The following FGGY variants were observed in gnomAD, a reference collection of about 807,000 sequenced individuals.
The protein encoded by FGGY is FGGY carbohydrate kinase domain containing.
A neutral mutation model predicts 71.3 loss-of-function variants in FGGY; 72 were observed. The ratio of observed to expected loss-of-function variants is 1.01; its 90% CI spans 0.84 to 1.23. The LOEUF (loss-of-function observed/expected upper bound fraction) is 1.23. Ranked by LOEUF, FGGY falls within the 50% of genes most tolerant of loss-of-function variation. FGGY has a pLI of 0.00. For missense variants in FGGY, 668 were observed against 682.3 expected, an observed-to-expected ratio of 0.98 and a Z score of 0.23; for synonymous variants, 251 against 250.3, an observed-to-expected ratio of 1.00 and a Z score of -0.02.
At chr1:59,363,697 T>C (rs1471644723) in intron 4 of FGGY, among the ~76,000 whole-genome samples, 1 of 152,190 alleles carries the variant, frequency 6.6e-6, no homozygotes, top group Non-Finnish European at 1.5e-5. Context: ...ACTGTGGAGA[T>C]GCTGACAGGT....
intron 7 of FGGY, among the ~76,000 whole-genome samples, chr1:59,525,851 C>T (rs1046036351): frequency 2.0e-5 from 3 of 152,130 alleles, no homozygotes; most frequent in African/African-American, 7.2e-5. Flanking sequence ...CTGTGTGTCT[C>T]TGTATATGTG....
At chr1:59,353,913 A>G (rs556091388) in intron 4 of FGGY, among the ~76,000 whole-genome samples, 1 of 152,160 alleles carries the variant, frequency 6.6e-6, no homozygotes, top group African/African-American at 2.4e-5. Context: ...CTAGTTAAAG[A>G]ATAAAGATAC....
At chr1:59,395,511 A>T (rs998160278) in intron 5 of FGGY, among the ~76,000 whole-genome samples, 7 of 152,198 alleles carry the variant, frequency 4.6e-5, no homozygotes, top group Admixed American at 6.5e-5. Flanking sequence ...TTGTAACTTC[A>T]TGAGTACAGG....
At chr1:59,452,533 G>A (rs748877568) in intron 5 of FGGY, among the ~76,000 whole-genome samples, 35 of 152,130 alleles carry the variant, frequency 2.3e-4, no homozygotes, top group Non-Finnish European at 3.8e-4. Context: ...TGTGGGACTT[G>A]CCTCTTGTAG....
intron 6 of FGGY, among the ~76,000 whole-genome samples, chr1:59,510,040 CTTTTT>C (rs10608143): frequency 0.2 from 27,914 of 139,918 alleles, 4,176 homozygotes; most frequent in African/African-American, 0.43. Flanking sequence ...TTTCTTTTTT[CTTTTT>C]TTTTTTTTTT....
At chr1:59,748,350 A>G (rs2098217347) in intron 14 of FGGY, among the ~76,000 whole-genome samples, 1 of 152,182 alleles carries the variant, frequency 6.6e-6, no homozygotes, top group Non-Finnish European at 1.5e-5. Context: ...TGTTTAGGAG[A>G]GTGCACTGCT....
Position 59,507,925 on chromosome 1 carries a change from G to A in FGGY, c.671-4386G>A, listed in dbSNP as rs373437149. Among the ~76,000 whole-genome samples, 297 of 152,094 alleles carry A rather than the reference G, an allele frequency of 2.0e-3. 1 individual carries two copies. Among genetic ancestry groups the A allele is most frequent in the South Asian group, 8.3e-3 (40 of 4,816 alleles). On this transcript the variant is annotated intron_variant, in intron 6 of 15. Coordinates refer to ENST00000303721, the MANE Select transcript of FGGY (RefSeq NM_018291.5). ...TGCCTGGCCACGCCTGAAGCCCTCC[G>A]CTGCCTCTTGTCCCGTCTGTTCCAG...
At chr1:59,438,982 C>T (rs576332308) in intron 5 of FGGY, among the ~76,000 whole-genome samples, 9 of 152,288 alleles carry the variant, frequency 5.9e-5, no homozygotes, top group Admixed American at 2.0e-4. Context: ...TTTACTATCT[C>T]ATGAATTTTT....
At chr1:59,759,393 G>A (rs879257744) in intron 15 of FGGY, among the ~76,000 whole-genome samples, 8 of 152,254 alleles carry the variant, frequency 5.3e-5, no homozygotes, top group African/African-American at 1.4e-4. Context: ...CCCACTGGCA[G>A]TAGGAGCTAT....
chr1:59,507,830 C>A (rs188262086), intron 6 of FGGY, among the ~76,000 whole-genome samples: 1 of 151,934 alleles, frequency 6.6e-6, no homozygotes, highest in Non-Finnish European at 1.5e-5. Context: ...CAACCACGCC[C>A]GGCCACATTT....
At chr1:59,588,486 T>C (rs1356542473) in intron 8 of FGGY, among the ~76,000 whole-genome samples, 2 of 151,978 alleles carry the variant, frequency 1.3e-5, no homozygotes, top group Admixed American at 1.3e-4. Flanking sequence ...CCAAGACACA[T>C]AATTGTCAGA....
At chr1:59,497,193 C>A (rs374611290) in intron 6 of FGGY, among the ~76,000 whole-genome samples, 2 of 152,180 alleles carry the variant, frequency 1.3e-5, no homozygotes, top group South Asian at 4.1e-4. Context: ...CATCCCACAT[C>A]ATCATCCTTG....
At chr1:59,575,048 A>G (rs547594126) in intron 8 of FGGY, among the ~76,000 whole-genome samples, 14 of 152,312 alleles carry the variant, frequency 9.2e-5, no homozygotes, top group Middle Eastern at 3.4e-3. Context: ...TTGATATACT[A>G]TATATTGTAA....
intron 5 of FGGY, among the ~76,000 whole-genome samples, chr1:59,441,285 G>A (rs556931835): frequency 3.9e-5 from 6 of 152,244 alleles, no homozygotes; most frequent in African/African-American, 1.4e-4. Flanking sequence ...ATTCTAAGTG[G>A]TTTTGCTTCT....
intron 6 of FGGY, among the ~76,000 whole-genome samples, chr1:59,462,981 T>G (rs1006898492): frequency 4.2e-4 from 64 of 152,108 alleles, no homozygotes; most frequent in African/African-American, 1.5e-3. Flanking sequence ...GGACTATAAA[T>G]CATGCTGCTA....
chr1:59,374,954 T>C lies in FGGY; in HGVS notation c.466-3795T>C, dbSNP rs1181413458. On this transcript the variant is annotated intron_variant, in intron 4 of 15. Transcript: ENST00000303721. ...GGGGGAGGGATAGCATTGTGAGATA[T>C]ACCTAATGCTAGATGACGAGTTAGT... 4.1e-4 allele frequency among the ~76,000 whole-genome samples: 62 copies of C among 149,568 alleles called. No homozygotes were observed. In the East Asian group the frequency reaches 0.011, roughly 26 times the overall value.
intron 12 of FGGY, among the ~76,000 whole-genome samples, chr1:59,662,526 A>C (rs936409883): frequency 6.6e-6 from 1 of 152,188 alleles, no homozygotes; most frequent in African/African-American, 2.4e-5. Context: ...TTCTAAAACA[A>C]AATTAGACAT....
intron 4 of FGGY, among the ~76,000 whole-genome samples, chr1:59,367,683 C>T (rs765891567): frequency 2.0e-5 from 3 of 152,198 alleles, no homozygotes; most frequent in Non-Finnish European, 2.9e-5. Context: ...CTCACGAGTT[C>T]CCTAGGTGTC....
Position 59,330,579 on chromosome 1 carries a change from AAAAG to A in FGGY, c.201+8833_201+8836del, listed in dbSNP as rs2048282280. Among the ~76,000 whole-genome samples the A allele has an allele frequency of 2.7e-5, 4 of 149,326 alleles. No individual in the cohort carries two copies. The South Asian group carries it at 8.3e-4, about 31-fold the overall frequency. ...GCAAGACTCCATCTCAAAAAAAAAAAAAAGAAAAGAAAAGAAATGGAGACCTCCC... is the reference window on the plus strand; with the variant it reads ...GCAAGACTCCATCTCAAAAAAAAAAAAAAAGAAAAGAAATGGAGACCTCCC... On this transcript the variant is annotated intron_variant, in intron 2 of 15. Transcript: ENST00000303721.
Sources: allele counts gnomAD v4.1 joint callset (sites outside exome capture counted in the v4.1 genomes callset), GRCh38; gene constraint gnomAD v4.1.1; transcripts MANE v1.5; gene names NCBI Gene and HGNC (gene_info 2026-07-23, HGNC 2026-07-21).